The following TMEM170A variants were observed in gnomAD, a reference collection of about 807,000 sequenced individuals.
TMEM170A encodes the protein transmembrane protein 170A.
A neutral mutation model predicts 12.8 loss-of-function variants in TMEM170A; 18 were observed. That is an observed-to-expected ratio of 1.41 (90% CI 0.97 to 2.09). TMEM170A has a LOEUF of 2.09. TMEM170A is among the 30% of genes most tolerant of loss of function. TMEM170A has a pLI of 0.00. For synonymous variants in TMEM170A, 107 were observed against 76.2 expected (o/e 1.40, Z -2.11); for missense variants, 220 against 179.9 (o/e 1.22, Z -1.28).
At chr16:75,454,993 A>G (rs1335503845) in intron 1 of TMEM170A, among the ~76,000 whole-genome samples, 1 of 152,228 alleles carries the variant, frequency 6.6e-6, no homozygotes, top group Non-Finnish European at 1.5e-5. Context: ...AGTCACCTGC[A>G]TGGCTATCAC....
intron 1 of TMEM170A, among the ~76,000 whole-genome samples, chr16:75,460,371 G>T (rs1247606253): frequency 2.6e-5 from 4 of 151,998 alleles, no homozygotes; most frequent in Non-Finnish European, 4.4e-5. Flanking sequence ...TTCCCCAGTA[G>T]AGCCCTCCAG....
Position 75,452,256 on chromosome 16 carries a change from C to T in TMEM170A, c.134-417G>A, listed in dbSNP as rs1348544108. On this transcript the variant is annotated intron_variant, in intron 1 of 2. Coordinates refer to ENST00000561878, the MANE Select transcript of TMEM170A (RefSeq NM_145254.3). ...AAGTGCTGGGATTACAGGCGTGAGC[C>T]ACCGCGCCCAGTCAAAAATTTTTAT... is the stretch of plus-strand genomic sequence containing the variant. 7.9e-5 allele frequency among the ~76,000 whole-genome samples: 12 copies of T among 152,038 alleles called. No homozygotes were observed. The East Asian group carries it at 1.6e-3, about 20-fold the overall frequency.
At chr16:75,455,112 C>A (rs1263099826) in intron 1 of TMEM170A, among the ~76,000 whole-genome samples, 1 of 152,084 alleles carries the variant, frequency 6.6e-6, no homozygotes, top group Non-Finnish European at 1.5e-5. Flanking sequence ...AATCCCAGCA[C>A]TCTGGGAGGC....
intron 1 of TMEM170A, among the ~76,000 whole-genome samples, chr16:75,460,737 G>A (rs2079888734): frequency 6.6e-6 from 1 of 152,102 alleles, no homozygotes; most frequent in Non-Finnish European, 1.5e-5. Context: ...TTGTTACTAT[G>A]GCATCTTGAC....
rs1458094492 is a variant in TMEM170A at position 75,445,206 on chromosome 16, C to T, written c.*2352G>A. ...AATTTGCCTGTGAGAAAGATTTGAGCTTCTTGTTAGGGAATTTGTAAGAAT... is the reference window on the plus strand; with the variant it reads ...AATTTGCCTGTGAGAAAGATTTGAGTTTCTTGTTAGGGAATTTGTAAGAAT... On this transcript the variant is annotated 3_prime_UTR_variant, in exon 3 of 3. Coordinates refer to ENST00000561878, the MANE Select transcript of TMEM170A (RefSeq NM_145254.3). The T allele has an allele frequency of 6.6e-6, 1 of 152,216 alleles. No homozygotes were observed. The highest frequency in any genetic ancestry group is 1.5e-5 in the Non-Finnish European group (1 of 68,040). 9.4% of individuals were successfully genotyped at this position (152,216 alleles called of 1,614,324 possible). A position where few individuals can be genotyped will look rare whatever the true frequency, so the allele number is the denominator to read the frequency against.
intron 1 of TMEM170A, among the ~76,000 whole-genome samples, chr16:75,462,808 C>G (rs1273305751): frequency 2.0e-5 from 3 of 151,936 alleles, no homozygotes; most frequent in African/African-American, 7.3e-5. Context: ...TCTATGTGGA[C>G]AATTGGGGAA....
chr16:75,461,008 T>C (rs978386823), intron 1 of TMEM170A, among the ~76,000 whole-genome samples: 1 of 152,148 alleles, frequency 6.6e-6, no homozygotes, highest in African/African-American at 2.4e-5. Flanking sequence ...ATGACAACAA[T>C]AAAGGAAAAA....
intron 2 of TMEM170A, 99 bp downstream of exon 2, chr16:75,451,570 T>C: frequency 1.5e-6 from 2 of 1,338,978 alleles, no homozygotes; most frequent in Non-Finnish European, 2.1e-6. Flanking sequence ...TAAAAGGCAC[T>C]CTTTCCTTCA....
chr16:75,464,701 G>A, upstream of TMEM170A: 1 of 1,447,326 alleles, frequency 6.9e-7, no homozygotes, highest in East Asian at 2.9e-5. Flanking sequence ...CCTCCAGCCG[G>A]GGTCCTCTTC....
At position 75,444,235 on chromosome 16, in the gene TMEM170A, G is replaced by C. The variant is rs2151620131; in HGVS notation, c.*3323C>G. The C allele has an allele frequency of 6.6e-6, 1 of 152,118 alleles. No homozygotes were observed. The highest frequency in any genetic ancestry group is 6.6e-5 in the Admixed American group (1 of 15,244). 9.4% of individuals were successfully genotyped at this position (152,118 alleles called of 1,614,324 possible). On this transcript the variant is annotated 3_prime_UTR_variant, in exon 3 of 3. Transcript: ENST00000561878. Reference sequence around the variant, plus strand: ...TGTAATCCCAGCACTTTGGGAGGTGGAGGCGGGTCAGGAGATTGAGACCAT... The same window carrying C: ...TGTAATCCCAGCACTTTGGGAGGTGCAGGCGGGTCAGGAGATTGAGACCAT...
chr16:75,451,906 C>T (rs1371944933), intron 1 of TMEM170A, 67 bp from the exon 2 acceptor site: 1 of 1,315,196 alleles, frequency 7.6e-7, no homozygotes, highest in Non-Finnish European at 1.0e-6. Flanking sequence ...GCAGAGGGTA[C>T]TCATCATACC....
chr16:75,457,476 C>T (rs1200764223), intron 1 of TMEM170A, among the ~76,000 whole-genome samples: 1 of 152,218 alleles, frequency 6.6e-6, no homozygotes, highest in Admixed American at 6.5e-5. Context: ...GGTGAGAAGG[C>T]AGCCATCTGC....
At chr16:75,451,111 T>G (rs550586973) in intron 2 of TMEM170A, among the ~76,000 whole-genome samples, 12 of 152,186 alleles carry the variant, frequency 7.9e-5, no homozygotes, top group Admixed American at 7.9e-4. Context: ...TAAATTTTCC[T>G]CTTGCTGGTG....
chr16:75,451,533 T>C (rs575185138), intron 2 of TMEM170A, 136 bp downstream of exon 2: 50 of 893,386 alleles, frequency 5.6e-5, no homozygotes, highest in Admixed American at 3.0e-4. Flanking sequence ...CTTGGTGACA[T>C]AGGGAGACCC....
intron 1 of TMEM170A, among the ~76,000 whole-genome samples, chr16:75,456,443 T>C (rs1004975051): frequency 3.3e-5 from 5 of 152,050 alleles, no homozygotes; most frequent in African/African-American, 1.2e-4. Context: ...AAAAATTAGC[T>C]AGGTGGGGTG....
chr16:75,451,917 C>A, intron 1 of TMEM170A, 78 bp from the exon 2 acceptor site: 3 of 1,241,846 alleles, frequency 2.4e-6, no homozygotes, highest in Non-Finnish European at 3.3e-6. Flanking sequence ...TCATCATACC[C>A]GTCATTTCAT....
At chr16:75,451,948 T>G (rs909433946) in intron 1 of TMEM170A, 109 bp from the exon 2 acceptor site, 13 of 1,076,666 alleles carry the variant, frequency 1.2e-5, no homozygotes, top group Non-Finnish European at 1.6e-5. Context: ...GTTTCTTTTT[T>G]CCTTTTTTTT....
At chr16:75,460,327 T>A (rs955612634) in intron 1 of TMEM170A, among the ~76,000 whole-genome samples, 1 of 152,160 alleles carries the variant, frequency 6.6e-6, no homozygotes, top group Non-Finnish European at 1.5e-5. Flanking sequence ...TACACTTTTT[T>A]AAAAAGTCAG....
chr16:75,450,953 C>CTT (rs1195032422), intron 2 of TMEM170A, among the ~76,000 whole-genome samples: 1 of 152,154 alleles, frequency 6.6e-6, no homozygotes, highest in Non-Finnish European at 1.5e-5. Flanking sequence ...TGAGCCACTA[C>CTT]ACCTGGCAAA....
Sources: allele counts gnomAD v4.1 joint callset (sites outside exome capture counted in the v4.1 genomes callset), GRCh38; gene constraint gnomAD v4.1.1; transcripts MANE v1.5; gene names NCBI Gene and HGNC (gene_info 2026-07-23, HGNC 2026-07-21).